The following FCN2 variants were observed in gnomAD, a reference collection of about 807,000 sequenced individuals.
FCN2 encodes ficolin-2.
Under a neutral mutation model 32.5 loss-of-function variants are expected in FCN2, and 31 were observed. The ratio of observed to expected loss-of-function variants is 0.96; its 90% confidence interval spans 0.72 to 1.29. The LOEUF (loss-of-function observed/expected upper bound fraction) is 1.29. FCN2 is among the 50% of genes most tolerant of loss of function. The probability of loss-of-function intolerance (pLI) is 0.00; values close to 1 mark genes in which losing one functional copy is unlikely to be tolerated. For synonymous variants in FCN2, 181 were observed against 164.5 expected (o/e 1.10, Z -0.77); for missense variants, 412 against 406.5 (o/e 1.01, Z -0.12).
the FCN2 span, among the ~76,000 whole-genome samples, chr9:134,874,452 C>T: frequency 6.6e-6 from 1 of 152,110 alleles, no homozygotes; most frequent in Admixed American, 6.5e-5. Context: ...AGTCCAGCAC[C>T]ACTTAATGAA....
chr9:134,883,438 G>T, intron 3 of FCN2, 83 bp downstream of exon 3: 4 of 1,245,078 alleles, frequency 3.2e-6, no homozygotes, highest in Non-Finnish European at 4.7e-6. Flanking sequence ...GTCTTCTGGG[G>T]CTGCCACGCT....
Position 134,885,267 on chromosome 9 carries a change from C to T in FCN2, c.330C>T (p.Asp110=). The T allele has an allele frequency of 6.2e-7, 1 of 1,614,146 alleles. No individual in the cohort carries two copies. The highest frequency in any genetic ancestry group is 8.5e-7 in the Non-Finnish European group (1 of 1,180,012). The change falls in exon 5 of 8, where the codon GAC becomes GAT. Residue 110 remains aspartate (D), a synonymous_variant. Transcript: ENST00000291744. ...TGPRTCKDLL[D]RGHFLSGWHT... is the part of the protein sequence containing the mutation. ...CGCGTACCTGCAAGGACCTGCTAGA[C>T]CGAGGGCACTTCCTGAGCGGCTGGC... is the stretch of plus-strand genomic sequence containing the variant.
upstream of FCN2, among the ~76,000 whole-genome samples, chr9:134,877,092 A>G (rs1830610253): frequency 1.3e-5 from 2 of 152,186 alleles, no homozygotes; most frequent in Admixed American, 6.5e-5. Context: ...AGAGGTTTAT[A>G]AATTTGATTT....
chr9:134,870,352 G>A, the FCN2 span, among the ~76,000 whole-genome samples: 2 of 152,178 alleles, frequency 1.3e-5, no homozygotes, highest in South Asian at 2.1e-4. The surrounding 1 kb of genome is among the most constrained non-coding windows in gnomAD (Gnocchi z 4.3). Flanking sequence ...TGGGAGGGCC[G>A]AGTGTAGACC....
chr9:134,883,673 T>G (rs1471610585), intron 3 of FCN2, among the ~76,000 whole-genome samples: 1 of 144,664 alleles, frequency 6.9e-6, no homozygotes, highest in African/African-American at 2.6e-5. Flanking sequence ...GGAGGGGTTC[T>G]TGGTGGTGTA....
chr9:134,870,111 G>A, the FCN2 span, among the ~76,000 whole-genome samples: 8,355 of 152,272 alleles, frequency 0.055, 285 homozygotes, highest in African/African-American at 0.094. This position sits in a 1 kb window ranked among gnomAD's most constrained non-coding sequence, Gnocchi z 4.3. Flanking sequence ...GGGCAGCCTG[G>A]CCTGAAGGAG....
In FCN2 at chr9:134,882,557, C is replaced by G. The variant is rs1279968415; in HGVS notation, c.132C>G (p.Asp44Glu). The G allele has an allele frequency of 1.9e-6, 3 of 1,614,166 alleles. No homozygotes were observed. The highest frequency in any genetic ancestry group is 2.5e-6 in the Non-Finnish European group (3 of 1,180,028). Reference sequence around the variant, plus strand: ...AGATGGTGGGCCTGGAGGGCTCTGACAAGCTCACCATTCTCCGAGGCTGTC... The same window carrying G: ...AGATGGTGGGCCTGGAGGGCTCTGAGAAGCTCACCATTCTCCGAGGCTGTC... ...EVKMVGLEGS[D>E]KLTILRGCPG... is the part of the protein sequence containing the mutation. The change falls in exon 2 of 8, where the codon GAC becomes GAG. Residue 44 changes from aspartate to glutamate, a missense_variant. Coordinates refer to ENST00000291744, the MANE Select transcript of FCN2 (RefSeq NM_004108.3).
upstream of FCN2, among the ~76,000 whole-genome samples, chr9:134,876,653 A>G (rs1830605869): frequency 6.6e-6 from 1 of 152,302 alleles, no homozygotes; most frequent in African/African-American, 2.4e-5. Context: ...ATCTTGGCTC[A>G]CTGCAACCTC....
the FCN2 span, among the ~76,000 whole-genome samples, chr9:134,873,886 TG>T: frequency 6.2e-4 from 3 of 4,848 alleles, no homozygotes; most frequent in African/African-American, 4.3e-3. Context: ...TTTGTTTGTT[TG>T]TTTTGTTTTT....
At chr9:134,873,991 AC>A in the FCN2 span, among the ~76,000 whole-genome samples, 103 of 150,524 alleles carry the variant, frequency 6.8e-4, no homozygotes, top group Non-Finnish European at 1.4e-3. Flanking sequence ...GCTCACTGCA[AC>A]CTCCACCTCC....
At chr9:134,865,268 C>T in the FCN2 span, among the ~76,000 whole-genome samples, 12 of 152,236 alleles carry the variant, frequency 7.9e-5, no homozygotes, top group South Asian at 2.1e-4. Context: ...AGCAGCTCCA[C>T]CTTCTGGGGG....
the FCN2 span, among the ~76,000 whole-genome samples, chr9:134,873,929 G>GA: frequency 2.6e-4 from 32 of 122,664 alleles, no homozygotes; most frequent in East Asian, 8.0e-3. Flanking sequence ...TTTGTTTTTT[G>GA]ATATAGGATC....
chr9:134,874,249 C>T, the FCN2 span, among the ~76,000 whole-genome samples: 85 of 152,254 alleles, frequency 5.6e-4, 1 homozygote, highest in South Asian at 6.8e-3. Flanking sequence ...TGATACAATC[C>T]GTTAATCAAT....
the FCN2 span, among the ~76,000 whole-genome samples, chr9:134,874,526 C>T: frequency 0.85 from 129,327 of 152,186 alleles, 55,302 homozygotes; most frequent in East Asian, 0.98. Flanking sequence ...TCCACATCCA[C>T]GTAGGTCTAT....
upstream of FCN2, among the ~76,000 whole-genome samples, chr9:134,879,987 C>T (rs887598177): frequency 6.6e-6 from 1 of 152,142 alleles, no homozygotes; most frequent in Non-Finnish European, 1.5e-5. Flanking sequence ...TTCAGGCCAG[C>T]TCTTCTCCAA....
chr9:134,871,013 G>A, the FCN2 span, among the ~76,000 whole-genome samples: 6 of 152,112 alleles, frequency 3.9e-5, no homozygotes, highest in Admixed American at 3.9e-4. Context: ...CGGCCGACAT[G>A]GTACAGCCCC....
chr9:134,872,729 G>C, the FCN2 span, among the ~76,000 whole-genome samples: 698 of 152,238 alleles, frequency 4.6e-3, 5 homozygotes, highest in Admixed American at 8.2e-3. Flanking sequence ...ACCCGCCCTC[G>C]TGATTCAGTT....
intron 5 of FCN2, 148 bp downstream of exon 5, chr9:134,885,514 C>T (rs573401046): frequency 1.9e-5 from 27 of 1,409,258 alleles, no homozygotes; most frequent in Middle Eastern, 2.5e-4. Context: ...GGGTAAAAGT[C>T]CAGGCCTTTG....
At chr9:134,865,197 T>C in the FCN2 span, among the ~76,000 whole-genome samples, 2 of 152,106 alleles carry the variant, frequency 1.3e-5, no homozygotes, top group African/African-American at 4.8e-5. Flanking sequence ...CCCAGTGAGG[T>C]CGATGTGGCA....
Sources: gnomAD v4.1 joint callset for allele counts (sites outside exome capture counted in the v4.1 genomes callset) on GRCh38, gnomAD v4.1.1 for gene constraint, Gnocchi (gnomAD v3.1) non-coding constraint, MANE v1.5 for transcripts, NCBI Gene and HGNC (gene_info 2026-07-23, HGNC 2026-07-21) for gene names.